Variants in LOC128462377 observed in about 807,000 individuals in gnomAD.
the LOC128462377 span, among the ~76,000 whole-genome samples, chr16:89,414,432 A>G: frequency 6.6e-6 from 1 of 152,136 alleles, no homozygotes; most frequent in South Asian, 2.1e-4. Flanking sequence ...ACGCAGCCGC[A>G]CCGCCTGAGA....
At chr16:89,406,384 C>T in the LOC128462377 span, among the ~76,000 whole-genome samples, 1 of 152,146 alleles carries the variant, frequency 6.6e-6, no homozygotes, top group South Asian at 2.1e-4. Flanking sequence ...CTGAGGGCGA[C>T]AAAACACCAG....
chr16:89,384,564 ACAGG>A, the LOC128462377 span, among the ~76,000 whole-genome samples: 3 of 151,434 alleles, frequency 2.0e-5, no homozygotes, highest in Non-Finnish European at 4.4e-5. Flanking sequence ...TGGGAATGGG[ACAGG>A]ATGGGACGGG....
At chr16:89,393,871 C>T in the LOC128462377 span, among the ~76,000 whole-genome samples, 3 of 152,106 alleles carry the variant, frequency 2.0e-5, no homozygotes, top group African/African-American at 7.2e-5. Flanking sequence ...TGCTGATCTG[C>T]ATGAGGAAAA....
chr16:89,341,680 C>A, the LOC128462377 span, among the ~76,000 whole-genome samples: 1 of 152,250 alleles, frequency 6.6e-6, no homozygotes, highest in African/African-American at 2.4e-5. Context: ...TGGCTTTAAT[C>A]CCCTCACACA....
At chr16:89,324,735 G>A in the LOC128462377 span, 5 of 324,414 alleles carry the variant, frequency 1.5e-5, no homozygotes, top group Non-Finnish European at 3.0e-5. Flanking sequence ...CTACACCAGT[G>A]GTTTGCCAGG....
At chr16:89,385,511 C>G in the LOC128462377 span, among the ~76,000 whole-genome samples, 56 of 152,244 alleles carry the variant, frequency 3.7e-4, no homozygotes, top group Non-Finnish European at 1.5e-4. Flanking sequence ...CCAGAGACAC[C>G]GAGACCCTGT....
At chr16:89,382,099 G>A in the LOC128462377 span, among the ~76,000 whole-genome samples, 21 of 152,302 alleles carry the variant, frequency 1.4e-4, no homozygotes, top group East Asian at 2.7e-3. Context: ...CCACCAGAAC[G>A]GGCGAGGGGG....
At chr16:89,385,013 G>A in the LOC128462377 span, among the ~76,000 whole-genome samples, 1 of 146,442 alleles carries the variant, frequency 6.8e-6, no homozygotes, top group Non-Finnish European at 1.5e-5. Context: ...AGCCTCCCAA[G>A]TAGCTGGAAC....
At chr16:89,358,322 T>C in the LOC128462377 span, among the ~76,000 whole-genome samples, 1 of 152,162 alleles carries the variant, frequency 6.6e-6, no homozygotes, top group Non-Finnish European at 1.5e-5. Context: ...CACAGCTGCA[T>C]ATTCACGGGA....
At chr16:89,381,354 A>ACGG in the LOC128462377 span, among the ~76,000 whole-genome samples, 1 of 125,346 alleles carries the variant, frequency 8.0e-6, no homozygotes, top group East Asian at 2.2e-4. Flanking sequence ...AAAAAAAAAA[A>ACGG]GGGGTGAGAA....
the LOC128462377 span, among the ~76,000 whole-genome samples, chr16:89,411,721 C>T: frequency 6.6e-5 from 10 of 152,288 alleles, no homozygotes; most frequent in South Asian, 1.5e-3. Context: ...CACCACTATC[C>T]CCTTGTTGAC....
the LOC128462377 span, among the ~76,000 whole-genome samples, chr16:89,333,329 G>A: frequency 1.3e-5 from 2 of 152,236 alleles, no homozygotes; most frequent in African/African-American, 2.4e-5. Flanking sequence ...ATCCCCACGA[G>A]AGTGGCCGTT....
At chr16:89,317,116 G>A in the LOC128462377 span, 1 of 1,379,348 alleles carries the variant, frequency 7.2e-7, no homozygotes, top group Non-Finnish European at 1.0e-6. Context: ...TGAATTCAGA[G>A]GCAGCTCAAA....
the LOC128462377 span, among the ~76,000 whole-genome samples, chr16:89,375,762 G>A: frequency 9.7e-5 from 10 of 103,360 alleles, no homozygotes; most frequent in East Asian, 2.9e-4. Flanking sequence ...AGCCGACTCC[G>A]TCTCTTAAAA....
the LOC128462377 span, among the ~76,000 whole-genome samples, chr16:89,409,450 G>A: frequency 9.2e-5 from 14 of 152,182 alleles, no homozygotes; most frequent in Non-Finnish European, 8.8e-5. Flanking sequence ...TCTTGTGCAC[G>A]TCACGGCCCT....
chr16:89,390,488 G>T, the LOC128462377 span, among the ~76,000 whole-genome samples: 12 of 152,158 alleles, frequency 7.9e-5, no homozygotes, highest in Non-Finnish European at 1.5e-4. Flanking sequence ...AATACGTGAA[G>T]GAATAAAGCC....
the LOC128462377 span, among the ~76,000 whole-genome samples, chr16:89,405,098 A>G: frequency 1.3e-5 from 2 of 152,010 alleles, no homozygotes. Context: ...AACTGCCCAC[A>G]CCAGTTAACC....
the LOC128462377 span, among the ~76,000 whole-genome samples, chr16:89,402,003 G>A: frequency 2.0e-5 from 3 of 148,588 alleles, no homozygotes; most frequent in Non-Finnish European, 3.0e-5. Flanking sequence ...TCTCAGAGCC[G>A]TGGGAGAACA....
At chr16:89,381,986 G>A in the LOC128462377 span, among the ~76,000 whole-genome samples, 3 of 152,190 alleles carry the variant, frequency 2.0e-5, no homozygotes, top group African/African-American at 4.8e-5. Flanking sequence ...GTCTGAGATC[G>A]TTTAACTAAA....
Sources: gnomAD v4.1 joint callset for allele counts (sites outside exome capture counted in the v4.1 genomes callset) on GRCh38, gnomAD v4.1.1 for gene constraint, MANE v1.5 for transcripts.